RELCH: variants seen among roughly 807,000 people sequenced by gnomAD.
RELCH encodes the protein RAB11 binding and LisH domain, coiled-coil and HEAT repeat containing.
Under a neutral mutation model 150.3 loss-of-function variants are expected in RELCH, and 41 were observed. The ratio of observed to expected loss-of-function variants is 0.27; its 90% CI spans 0.21 to 0.35. RELCH has a LOEUF of 0.35. Among genes scored for constraint, RELCH ranks in the 10% least tolerant of loss-of-function variants. The pLI is 1.00. For missense variants in RELCH, 1,092 were observed against 1,467.8 expected (o/e 0.74, Z 4.18); for synonymous variants, 478 against 531.8 (o/e 0.90, Z 1.39).
chr18:62,265,912 T>C (rs1398209833), intron 18 of RELCH, among the ~76,000 whole-genome samples: 3 of 151,970 alleles, frequency 2.0e-5, no homozygotes, highest in African/African-American at 4.8e-5. Flanking sequence ...CTTGATGTTA[T>C]TGTAGGAAAA....
At chr18:62,280,001 A>C in intron 23 of RELCH, 145 bp downstream of exon 23, 1 of 631,200 alleles carries the variant, frequency 1.6e-6, no homozygotes, top group Non-Finnish European at 2.7e-6. Flanking sequence ...ACTTTATCAC[A>C]TTATTCTTTA....
chr18:62,237,881 G>C (rs2041955444), intron 10 of RELCH, among the ~76,000 whole-genome samples: 1 of 151,556 alleles, frequency 6.6e-6, no homozygotes, highest in Admixed American at 6.6e-5. Context: ...TAAATAGAAA[G>C]CACGATGAAT....
intron 23 of RELCH, chr18:62,280,436 CTGAATTG>C: frequency 6.2e-7 from 1 of 1,613,622 alleles, no homozygotes; most frequent in South Asian, 1.1e-5. Flanking sequence ...TCCAGTGATC[CTGAATTG>C]TGAGTTTCAC....
intron 25 of RELCH, among the ~76,000 whole-genome samples, chr18:62,284,710 A>G: frequency 6.6e-6 from 1 of 152,198 alleles, no homozygotes; most frequent in Non-Finnish European, 1.5e-5. Flanking sequence ...TCTGGGTGGT[A>G]ACGTCTCCCT....
intron 27 of RELCH, among the ~76,000 whole-genome samples, chr18:62,298,476 A>G (rs1478519621): frequency 2.0e-5 from 3 of 152,340 alleles, no homozygotes; most frequent in Non-Finnish European, 4.4e-5. Flanking sequence ...TGTGTATGTT[A>G]AATATATAGA....
At chr18:62,191,284 G>C (rs2038615513) in intron 1 of RELCH, among the ~76,000 whole-genome samples, 1 of 152,130 alleles carries the variant, frequency 6.6e-6, no homozygotes, top group African/African-American at 2.4e-5. Context: ...TTTTTAATCT[G>C]TCATTTTAGT....
chr18:62,261,701 A>C (rs369397585), intron 16 of RELCH, 43 bp downstream of exon 16: 22 of 1,538,114 alleles, frequency 1.4e-5, no homozygotes, highest in Non-Finnish European at 1.9e-5. Flanking sequence ...GAATATTAGC[A>C]GCCTAGCTTC....
chr18:62,224,075 C>T (rs1053118151), intron 5 of RELCH, among the ~76,000 whole-genome samples: 16 of 152,044 alleles, frequency 1.1e-4, no homozygotes, highest in South Asian at 2.1e-4. Context: ...CCCATCACCT[C>T]GTCATTTACA....
intron 1 of RELCH, among the ~76,000 whole-genome samples, chr18:62,201,724 T>G (rs2039460045): frequency 6.6e-6 from 1 of 152,218 alleles, no homozygotes; most frequent in Non-Finnish European, 1.5e-5. Context: ...CATGATTACT[T>G]AGACTTATAT....
chr18:62,220,840 A>G (rs557769896), intron 2 of RELCH, 197 bp from the exon 3 acceptor site: 9 of 598,504 alleles, frequency 1.5e-5, no homozygotes, highest in East Asian at 1.2e-4. Flanking sequence ...TACTAAAACT[A>G]TGGAAAACAT....
In RELCH at chr18:62,188,020, G is replaced by A; in HGVS notation, c.515G>A (p.Gly172Glu). Residue 172 changes from glycine (G) to glutamate (E), a missense_variant, in exon 1 of 29, where the codon GGG becomes GAG. Coordinates refer to ENST00000644646, the MANE Select transcript of RELCH (RefSeq NM_001346231.2). ...GGREPSTASG[G>E]GQLNRAGSIS... ...CGGGAACCGAGTACAGCGTCGGGCG[G>A]GGGACAGCTCAGTAAGTGGACGCAG... is the stretch of plus-strand genomic sequence containing the variant. The A allele has an allele frequency of 6.4e-7, 1 of 1,574,266 alleles. No individual in the cohort carries two copies. The highest frequency in any genetic ancestry group is 8.6e-7 in the Non-Finnish European group (1 of 1,160,538).
intron 10 of RELCH, chr18:62,234,845 T>C (rs1017490092): frequency 2.0e-5 from 3 of 151,970 alleles, no homozygotes; most frequent in Admixed American, 6.6e-5. Context: ...CCTTATCATA[T>C]ATATGATTTG....
chr18:62,212,982 A>G (rs532914033), intron 2 of RELCH, among the ~76,000 whole-genome samples: 1 of 152,342 alleles, frequency 6.6e-6, no homozygotes, highest in African/African-American at 2.4e-5. Context: ...TGGGGAAATC[A>G]CTAGAATAGT....
chr18:62,188,113 C>A (rs1476358194), intron 1 of RELCH, 82 bp downstream of exon 1: 2 of 1,396,102 alleles, frequency 1.4e-6, no homozygotes, highest in Admixed American at 2.9e-5. Flanking sequence ...GGTATTTCTG[C>A]GTGGGTCCCG....
At position 62,244,490 on chromosome 18, in the gene RELCH, A is replaced by G. The variant is rs376236110; in HGVS notation, c.1621-274A>G. Among the ~76,000 whole-genome samples, 39 of 152,300 alleles carry G rather than the reference A, an allele frequency of 2.6e-4. 4 individuals are homozygous for G. Among genetic ancestry groups the G allele is most frequent in the South Asian group, 2.5e-3 (12 of 4,824 alleles). ...TGGAATGTTATTTAGTGTAAAAGCTAGTGGGCCCTTGGGAAGTACTAGATT... is the reference window on the plus strand; with the variant it reads ...TGGAATGTTATTTAGTGTAAAAGCTGGTGGGCCCTTGGGAAGTACTAGATT... On this transcript the variant is annotated intron_variant, in intron 10 of 28. Coordinates refer to ENST00000644646, the MANE Select transcript of RELCH (RefSeq NM_001346231.2).
At chr18:62,196,475 C>A (rs1278753396) in intron 1 of RELCH, among the ~76,000 whole-genome samples, 2 of 152,204 alleles carry the variant, frequency 1.3e-5, no homozygotes, top group Non-Finnish European at 2.9e-5. Flanking sequence ...AGTGATCCAC[C>A]TGCCTCGGCC....
intron 12 of RELCH, among the ~76,000 whole-genome samples, chr18:62,254,407 T>A (rs1362873399): frequency 6.6e-6 from 1 of 152,158 alleles, no homozygotes; most frequent in Non-Finnish European, 1.5e-5. Context: ...TGTTCATTGC[T>A]AATATATAGA....
In RELCH at chr18:62,305,433, A is replaced by G. The variant is rs1177218014; in HGVS notation, c.3550A>G (p.Ser1184Gly). The G allele has an allele frequency of 6.2e-7, 1 of 1,608,730 alleles. No homozygotes were observed. Among genetic ancestry groups the G allele is most frequent in the Non-Finnish European group, 8.5e-7 (1 of 1,177,488 alleles). Reference protein sequence around the residue: ...EPQGSMSIAASLVSEDTKTKF... With the variant: ...EPQGSMSIAAGLVSEDTKTKF... ...TCCTAGCTCAATGTCAATTGCTGCAAGCTTAGTGAGTGAAGATACAAAGAC... is the reference window on the plus strand; with the variant it reads ...TCCTAGCTCAATGTCAATTGCTGCAGGCTTAGTGAGTGAAGATACAAAGAC... Residue 1184 changes from serine (S) to glycine (G), a missense_variant, in exon 29 of 29, where the codon AGC becomes GGC. Around this residue, in one of 4 missense-constraint regions of RELCH, gnomAD observed 707 missense variants for 1,025.4 expected, o/e 0.69. Transcript: ENST00000644646. The surrounding 1 kb of genome is among the most constrained non-coding windows in gnomAD (Gnocchi z 4.0).
At chr18:62,264,267 T>G in intron 17 of RELCH, 122 bp downstream of exon 17, 1 of 707,792 alleles carries the variant, frequency 1.4e-6, no homozygotes, top group Non-Finnish European at 2.3e-6. Context: ...GGTAAACACC[T>G]TTAGGACACA....
Sources: allele counts gnomAD v4.1 joint callset (sites outside exome capture counted in the v4.1 genomes callset), GRCh38; gene constraint gnomAD v4.1.1; regional missense constraint gnomAD v4.1.1; non-coding constraint Gnocchi (gnomAD v3.1); transcripts MANE v1.5; gene names NCBI Gene and HGNC (gene_info 2026-07-23, HGNC 2026-07-21).